The following EFCAB6 variants were observed in gnomAD, a reference collection of about 807,000 sequenced individuals.
EFCAB6 encodes the protein EF-hand calcium binding domain 6.
Under a neutral mutation model 169.8 loss-of-function variants are expected in EFCAB6, and 156 were observed. That is an observed-to-expected ratio of 0.92 (90% CI 0.81 to 1.05). EFCAB6 has a LOEUF of 1.05. EFCAB6 is among the 50% of genes least tolerant of loss of function. The probability of loss-of-function intolerance (pLI) is 0.00; values close to 1 mark genes in which losing one functional copy is unlikely to be tolerated. For missense variants in EFCAB6, 1,800 were observed against 1,829.1 expected, an observed-to-expected ratio of 0.98 and a Z score of 0.29; for synonymous variants, 698 against 676.4, an observed-to-expected ratio of 1.03 and a Z score of -0.50.
chr22:43,749,848 A>G (rs139991484), intron 6 of EFCAB6, among the ~76,000 whole-genome samples: 2 of 152,358 alleles, frequency 1.3e-5, no homozygotes, highest in East Asian at 3.9e-4. Context: ...GCCCAGCACT[A>G]CGGTGAGTTC....
At chr22:43,740,484 C>T (rs1176839686) in intron 6 of EFCAB6, among the ~76,000 whole-genome samples, 2 of 152,188 alleles carry the variant, frequency 1.3e-5, no homozygotes, top group African/African-American at 4.8e-5. Context: ...CATTCAGGAC[C>T]AATCCTGAGT....
chr22:43,615,533 G>A (rs1390752539), intron 21 of EFCAB6, among the ~76,000 whole-genome samples: 3 of 152,156 alleles, frequency 2.0e-5, no homozygotes, highest in South Asian at 2.1e-4. Flanking sequence ...CTAAAACTGC[G>A]ATGACTTTTG....
intron 20 of EFCAB6, among the ~76,000 whole-genome samples, chr22:43,616,555 T>TGCCTC (rs1175658222): frequency 6.6e-6 from 1 of 152,122 alleles, no homozygotes; most frequent in East Asian, 1.9e-4. Flanking sequence ...TCCCAGCTAC[T>TGCCTC]CAAGAGGCTG....
intron 10 of EFCAB6, among the ~76,000 whole-genome samples, chr22:43,690,643 C>T (rs78152279): frequency 5.9e-5 from 9 of 151,896 alleles, no homozygotes; most frequent in East Asian, 1.9e-4. Context: ...AATGGTGTGG[C>T]CCTGCTCACC....
At chr22:43,530,503 A>G (rs1256679235) in intron 31 of EFCAB6, 2 of 973,182 alleles carry the variant, frequency 2.1e-6, no homozygotes, top group Admixed American at 6.2e-5. Context: ...GAGGGCTCGG[A>G]GCAGCAGCAG....
intron 21 of EFCAB6, among the ~76,000 whole-genome samples, chr22:43,609,189 G>A (rs1244021364): frequency 2.0e-5 from 3 of 152,106 alleles, no homozygotes; most frequent in Non-Finnish European, 4.4e-5. Flanking sequence ...TGGATATAAC[G>A]GGTACATCTA....
intron 13 of EFCAB6, among the ~76,000 whole-genome samples, chr22:43,677,079 A>T (rs1259844850): frequency 1.3e-5 from 2 of 152,224 alleles, no homozygotes; most frequent in Non-Finnish European, 2.9e-5. Flanking sequence ...TTTAAAAAAC[A>T]TTTCAACAAG....
chr22:43,736,996 G>A (rs2060164878), intron 6 of EFCAB6, among the ~76,000 whole-genome samples: 1 of 151,654 alleles, frequency 6.6e-6, no homozygotes, highest in South Asian at 2.1e-4. Flanking sequence ...ATGCCTCTCA[G>A]CCTCACTTCC....
At chr22:43,736,016 GA>G in intron 6 of EFCAB6, 23 bp from the exon 7 acceptor site, 2 of 1,589,126 alleles carry the variant, frequency 1.3e-6, no homozygotes, top group Non-Finnish European at 1.7e-6. Flanking sequence ...AGTGATTTAG[GA>G]AAAGTCAAAA....
chr22:43,602,283 G>C (rs2052578032), intron 22 of EFCAB6, among the ~76,000 whole-genome samples: 2 of 152,198 alleles, frequency 1.3e-5, no homozygotes, highest in South Asian at 2.1e-4. Flanking sequence ...CCTTTATTCA[G>C]TGAATTTTGT....
At chr22:43,550,106 C>T (rs575639977) in intron 27 of EFCAB6, among the ~76,000 whole-genome samples, 2 of 152,218 alleles carry the variant, frequency 1.3e-5, no homozygotes, top group African/African-American at 2.4e-5. Flanking sequence ...GGGCAGGGGC[C>T]GGCAGAAGCA....
intron 17 of EFCAB6, among the ~76,000 whole-genome samples, chr22:43,651,285 T>C (rs2056455005): frequency 6.6e-6 from 1 of 152,182 alleles, no homozygotes; most frequent in African/African-American, 2.4e-5. Context: ...CAGCCATGGC[T>C]GAAAGGGGCC....
intron 17 of EFCAB6, among the ~76,000 whole-genome samples, chr22:43,660,625 G>A (rs1603037342): frequency 6.6e-6 from 1 of 151,840 alleles, no homozygotes; most frequent in Admixed American, 6.6e-5. Context: ...ACACAGTCCT[G>A]GTCAATAAAA....
chr22:43,608,517 G>C lies in EFCAB6; in HGVS notation c.2646C>G (p.Pro882=), dbSNP rs867333736. 1 of 1,614,000 alleles carries C rather than the reference G, an allele frequency of 6.2e-7. No individual in the cohort carries two copies. Among genetic ancestry groups the C allele is most frequent in the Non-Finnish European group, 8.5e-7 (1 of 1,180,016 alleles). Residue 882 remains proline, a synonymous_variant, in exon 22 of 32, where the codon CCC becomes CCG. Transcript: ENST00000262726. ...IKNALYGFDI[P]LTPREFEKLW... is the part of the protein sequence containing the mutation. ...GCTTTTCAAACTCTCTTGGTGTGAG[G>C]GGAATATCAAAACCGTACAGTGCGT... is the stretch of plus-strand genomic sequence containing the variant.
Position 43,775,739 on chromosome 22 carries a change from C to T in EFCAB6, c.140-2636G>A, listed in dbSNP as rs1464540222. On this transcript the variant is annotated intron_variant, in intron 3 of 31. Transcript: ENST00000262726. ...GATTACAGGCGTGAGCCACCGCACC[C>T]GGCCATGCCTGGTCCTCTTTAGATG... Among the ~76,000 whole-genome samples, 7 of 152,314 alleles carry T rather than the reference C, an allele frequency of 4.6e-5. No homozygotes were observed. In the East Asian group the frequency reaches 1.2e-3, roughly 25 times the overall value.
chr22:43,721,696 G>A (rs915016844), intron 8 of EFCAB6, among the ~76,000 whole-genome samples: 23 of 152,198 alleles, frequency 1.5e-4, no homozygotes, highest in African/African-American at 5.5e-4. Context: ...GCCATATGCA[G>A]AAGAATGAAT....
intron 23 of EFCAB6, among the ~76,000 whole-genome samples, chr22:43,599,202 C>T (rs990579554): frequency 2.0e-5 from 3 of 152,152 alleles, no homozygotes; most frequent in African/African-American, 7.2e-5. Context: ...TAAGCCAGTG[C>T]ACTAATTTGG....
intron 10 of EFCAB6, among the ~76,000 whole-genome samples, chr22:43,696,502 T>C (rs2058581666): frequency 6.6e-6 from 1 of 152,224 alleles, no homozygotes; most frequent in African/African-American, 2.4e-5. Flanking sequence ...TGAATGGTCA[T>C]AGCAGTATCT....
chr22:43,716,893 C>T lies in EFCAB6; in HGVS notation c.837G>A (p.Trp279Ter). ...LLGSASSEDI[W>*]RNYSLDEIER... The stretch of plus-strand genomic sequence containing the variant: ...CAATTTCATCCAAGGAGTAGTTTCT[C>T]CAGATATCTTCAGATGATGCAGAAC... The change falls in exon 9 of 32, where the codon TGG becomes TGA. Residue 279 changes from tryptophan to a stop codon, truncating the protein, a stop_gained. Coordinates refer to ENST00000262726, the MANE Select transcript of EFCAB6 (RefSeq NM_022785.4). LOFTEE classifies it high-confidence loss of function. The T allele has an allele frequency of 6.2e-7, 1 of 1,603,150 alleles. No individual in the cohort carries two copies. Among genetic ancestry groups the T allele is most frequent in the Non-Finnish European group, 8.5e-7 (1 of 1,175,362 alleles).
Sources: allele counts gnomAD v4.1 joint callset (sites outside exome capture counted in the v4.1 genomes callset), GRCh38; gene constraint gnomAD v4.1.1; transcripts MANE v1.5; gene names NCBI Gene and HGNC (gene_info 2026-07-23, HGNC 2026-07-21).